MYOM1: variants seen among roughly 807,000 people sequenced by gnomAD.
MYOM1 encodes myomesin 1.
A neutral mutation model predicts 205.3 loss-of-function variants in MYOM1; 164 were observed. The observed-to-expected ratio is 0.80, with a 90% confidence interval of 0.70 to 0.91. MYOM1 has a LOEUF of 0.91. Among genes scored for constraint, MYOM1 ranks in the 40% least tolerant of loss-of-function variants. The pLI, the probability that MYOM1 is intolerant of heterozygous loss-of-function variation, is 0.00. For synonymous variants in MYOM1, 772 were observed against 789.4 expected (o/e 0.98, Z 0.37); for missense variants, 2,011 against 2,127.3 (o/e 0.95, Z 1.08).
rs1349199562 is a variant in MYOM1, at chr18:3,099,650, T to A, written c.3727+509A>T. Among the ~76,000 whole-genome samples the A allele has an allele frequency of 2.0e-5, 3 of 152,190 alleles. No individual in the cohort carries two copies. The South Asian group carries it at 6.2e-4, about 32-fold the overall frequency. On this transcript the variant is annotated intron_variant, in intron 25 of 37. Coordinates refer to ENST00000356443, the MANE Select transcript of MYOM1 (RefSeq NM_003803.4). ...ATGTAGAAGGTGCTTTATTGAAGGG[T>A]TGTACATTGTTCAGAGGGATTCTTT... is the stretch of plus-strand genomic sequence containing the variant.
chr18:3,231,327 T>C, the MYOM1 span, among the ~76,000 whole-genome samples: 2 of 152,130 alleles, frequency 1.3e-5, no homozygotes, highest in Non-Finnish European at 2.9e-5. Context: ...CACAGCATGC[T>C]GAAATTATGA....
At chr18:3,072,350 C>CTTTTTTTTTTTTT (rs78331937) in intron 36 of MYOM1, among the ~76,000 whole-genome samples, 1,547 of 56,164 alleles carry the variant, frequency 0.028, 300 homozygotes, top group Non-Finnish European at 0.034. Flanking sequence ...CCGCACCCGG[C>CTTTTTTTTTTTTT]TTTTTTTTTT....
At position 3,187,482 on chromosome 18, in the gene MYOM1, C is replaced by T. The variant is rs760947505; in HGVS notation, c.927G>A (p.Thr309=). The change falls in exon 5 of 38, where the codon ACG becomes ACA. Residue 309 remains threonine, a splice_region_variant and synonymous_variant. Transcript: ENST00000356443. ...TAGCTTTCATAAAGATAACATACCA[C>T]GTGACACGAGGTTCTGGCCAGCCTG... is the stretch of plus-strand genomic sequence containing the variant. ...SIAGWPEPRV[T]WYKNQVPINV... 7 of 1,613,148 alleles carry T rather than the reference C, an allele frequency of 4.3e-6. No individual in the cohort carries two copies. The highest frequency in any genetic ancestry group is 4.5e-5 in the East Asian group (2 of 44,862).
At position 3,134,989 on chromosome 18, in the gene MYOM1, C is replaced by T. The variant is rs2079935024; in HGVS notation, c.2210-165G>A. The stretch of plus-strand genomic sequence containing the variant: ...TTTGAGACTGAGTCTCGCTCTGTCA[C>T]CCAGGCTGGAGAGCAGTGGCGGGAT... On this transcript the variant is annotated intron_variant, in intron 15 of 37. Transcript: ENST00000356443. The T allele has an allele frequency of 7.7e-6, 5 of 652,678 alleles. No individual in the cohort carries two copies. The South Asian group carries it at 9.9e-5, about 13-fold the overall frequency. 40.4% of individuals were successfully genotyped at this position (652,678 alleles called of 1,614,324 possible). A position where few individuals can be genotyped will look rare whatever the true frequency, so the allele number is the denominator to read the frequency against.
Position 3,067,450 on chromosome 18 carries a change from C to T in MYOM1, c.4870G>A (p.Glu1624Lys), listed in dbSNP as rs753281692. 14 of 1,613,646 alleles carry T rather than the reference C, an allele frequency of 8.7e-6. No individual in the cohort carries two copies. Among genetic ancestry groups the T allele is most frequent in the South Asian group, 5.5e-5 (5 of 91,068 alleles). ...GTGAAGTACGCGGTCCTCCCAGCCT[C>T]GAACTTGAGGTTGCAGTGGTCGTCT... ...ASDDHCNLKF[E>K]AGRTAYFTIN... Residue 1624 changes from glutamate to lysine, a missense_variant, in exon 38 of 38, where the codon GAG becomes AAG. Transcript: ENST00000356443.
At chr18:3,201,632 A>G (rs1439445299) in intron 2 of MYOM1, among the ~76,000 whole-genome samples, 2 of 151,866 alleles carry the variant, frequency 1.3e-5, no homozygotes, top group Non-Finnish European at 2.9e-5. Context: ...AAATTTTTAC[A>G]TATATATTCT....
intron 21 of MYOM1, 56 bp downstream of exon 21, chr18:3,116,274 AG>A: frequency 6.5e-7 from 1 of 1,535,224 alleles, no homozygotes; most frequent in Non-Finnish European, 8.9e-7. Flanking sequence ...CTAACTTTAA[AG>A]TTCGTATTAG....
intron 2 of MYOM1, among the ~76,000 whole-genome samples, chr18:3,213,648 G>A (rs985262267): frequency 9.2e-5 from 14 of 152,190 alleles, no homozygotes; most frequent in Non-Finnish European, 5.9e-5. Flanking sequence ...GTTGTAAAGT[G>A]TCATGGTAAC....
intron 26 of MYOM1, among the ~76,000 whole-genome samples, chr18:3,092,549 T>C (rs1295395629): frequency 7.1e-6 from 1 of 141,606 alleles, no homozygotes; most frequent in African/African-American, 2.6e-5. Context: ...TTTTATCATA[T>C]TGTTTAGACA....
upstream of MYOM1, among the ~76,000 whole-genome samples, chr18:3,221,210 G>C (rs1219898481): frequency 6.6e-6 from 1 of 151,994 alleles, no homozygotes; most frequent in Non-Finnish European, 1.5e-5. Flanking sequence ...GGTAGAAATG[G>C]AGTTTCACCA....
intron 19 of MYOM1, among the ~76,000 whole-genome samples, chr18:3,123,612 TG>T (rs1203067773): frequency 2.0e-5 from 3 of 151,760 alleles, no homozygotes; most frequent in African/African-American, 7.2e-5. Context: ...TGGGTTTAGT[TG>T]GGTTGAATGT....
chr18:3,106,281 A>G (rs950166867), intron 22 of MYOM1, among the ~76,000 whole-genome samples: 2 of 152,226 alleles, frequency 1.3e-5, no homozygotes, highest in Non-Finnish European at 2.9e-5. Context: ...TCTGAAAAAT[A>G]AACTTTGTAA....
In MYOM1 at chr18:3,131,415, A is replaced by G. The variant is rs1200268376; in HGVS notation, c.2466T>C (p.Tyr822=). Reference sequence around the variant, plus strand: ...CTTCAATAGCTTCTGAATCCTGGGAATATTCACTAAGTCCAGCTGCATTGA... The same window carrying G: ...CTTCAATAGCTTCTGAATCCTGGGAGTATTCACTAAGTCCAGCTGCATTGA... ...RAVNAAGLSE[Y]SQDSEAIEVK... is the part of the protein sequence containing the mutation. Residue 822 remains tyrosine (Y), a synonymous_variant, in exon 17 of 38, where the codon TAT becomes TAC. Transcript: ENST00000356443. 1.9e-6 allele frequency: 3 copies of G among 1,613,906 alleles called. No individual in the cohort carries two copies. The highest frequency in any genetic ancestry group is 2.5e-6 in the Non-Finnish European group (3 of 1,179,830).
chr18:3,088,298 G>A (rs4997351), intron 29 of MYOM1, among the ~76,000 whole-genome samples: 12,914 of 152,226 alleles, frequency 0.085, 638 homozygotes, highest in Middle Eastern at 0.13. Context: ...ACAGCAAGAC[G>A]GAGCAGCTGG....
At chr18:3,077,632 A>G (rs1277723482) in intron 34 of MYOM1, among the ~76,000 whole-genome samples, 1 of 152,214 alleles carries the variant, frequency 6.6e-6, no homozygotes, top group Non-Finnish European at 1.5e-5. Context: ...TGGTAGGACA[A>G]TCTACAGCCT....
chr18:3,200,524 T>A (rs985169907), intron 2 of MYOM1, among the ~76,000 whole-genome samples: 2 of 152,106 alleles, frequency 1.3e-5, no homozygotes, highest in African/African-American at 4.8e-5. Context: ...AAATAGAGAA[T>A]GTCAACAAAG....
At chr18:3,211,404 ACTAC>A (rs1335892919) in intron 2 of MYOM1, among the ~76,000 whole-genome samples, 1 of 152,112 alleles carries the variant, frequency 6.6e-6, no homozygotes, top group Non-Finnish European at 1.5e-5. Context: ...TCCGATGAAA[ACTAC>A]AGTCCCTCTC....
At chr18:3,120,040 T>C in intron 19 of MYOM1, 45 bp from the exon 20 acceptor site, 2 of 1,186,774 alleles carry the variant, frequency 1.7e-6, no homozygotes, top group Middle Eastern at 2.5e-4. Context: ...TCCAGGTTTG[T>C]TTTTTTTTTT....
Position 3,199,079 on chromosome 18 carries a change from TG to T in MYOM1, c.291-5122del, listed in dbSNP as rs371826401. 2.9e-4 allele frequency among the ~76,000 whole-genome samples: 44 copies of T among 152,338 alleles called. No individual in the cohort carries two copies. The South Asian group carries it at 8.7e-3, about 30-fold the overall frequency. Reference sequence around the variant, plus strand: ...CAAACAAACAACTGAACTTCACGTATGAGCAGGGTGTCATTCCTGCCTAGGC... The same window carrying T: ...CAAACAAACAACTGAACTTCACGTATAGCAGGGTGTCATTCCTGCCTAGGC... On this transcript the variant is annotated intron_variant, in intron 2 of 37. Transcript: ENST00000356443.
Sources: allele counts gnomAD v4.1 joint callset (sites outside exome capture counted in the v4.1 genomes callset), GRCh38; gene constraint gnomAD v4.1.1; transcripts MANE v1.5; gene names NCBI Gene and HGNC (gene_info 2026-07-23, HGNC 2026-07-21).